SERAC1: variants seen among roughly 807,000 people sequenced by gnomAD.
SERAC1 encodes protein SERAC1.
Under a neutral mutation model 85.7 loss-of-function variants are expected in SERAC1, and 36 were observed. The ratio of observed to expected loss-of-function variants is 0.42; its 90% CI spans 0.32 to 0.55. The LOEUF (loss-of-function observed/expected upper bound fraction) is 0.55. Ranked by LOEUF, SERAC1 falls within the 20% of genes least tolerant of loss-of-function variation. The pLI is 0.11. For missense variants in SERAC1, 629 were observed against 796.2 expected, an observed-to-expected ratio of 0.79 and a Z score of 2.53; for synonymous variants, 242 against 265.3, an observed-to-expected ratio of 0.91 and a Z score of 0.85.
chr6:158,131,488 TA>T (rs1653687757), intron 8 of SERAC1, among the ~76,000 whole-genome samples: 2 of 147,804 alleles, frequency 1.4e-5, no homozygotes, highest in Admixed American at 6.8e-5. Context: ...AATATAAATA[TA>T]TTTTTTGTAT....
chr6:158,160,359 C>A (rs901502765), intron 1 of SERAC1, among the ~76,000 whole-genome samples: 1 of 152,188 alleles, frequency 6.6e-6, no homozygotes, highest in Non-Finnish European at 1.5e-5. Context: ...ACACCCCAAT[C>A]TGTGGCAAAC....
intron 9 of SERAC1, among the ~76,000 whole-genome samples, chr6:158,129,527 G>C (rs1341408281): frequency 6.6e-6 from 1 of 152,106 alleles, no homozygotes; most frequent in Non-Finnish European, 1.5e-5. Flanking sequence ...CACATTTCCT[G>C]GGTGATGTTT....
Position 158,158,330 on chromosome 6 carries a change from T to C in SERAC1, c.34A>G (p.Arg12Gly), listed in dbSNP as rs1228060372. The C allele has an allele frequency of 1.9e-6, 3 of 1,613,772 alleles. No homozygotes were observed. The highest frequency in any genetic ancestry group is 2.2e-5 in the East Asian group (1 of 44,882). ...GGGGAAGTAGAGGTTCCTATTCTTC[T>C]GCAACAGATGACGCAATAAGCAGCC... is the stretch of plus-strand genomic sequence containing the variant. ...SLAAYCVICC[R>G]RIGTSTSPPK... is the part of the protein sequence containing the mutation. The change falls in exon 2 of 17, where the codon AGA (arginine) becomes GGA (glycine). Residue 12 changes from arginine (R) to glycine (G), a missense_variant. Transcript: ENST00000647468.
intron 1 of SERAC1, among the ~76,000 whole-genome samples, chr6:158,167,593 T>C (rs929376173): frequency 6.7e-6 from 1 of 149,836 alleles, no homozygotes; most frequent in African/African-American, 2.5e-5. Flanking sequence ...CAATTTAACC[T>C]AAGGAACAGA....
chr6:158,140,137 C>T (rs1297678396), intron 8 of SERAC1, among the ~76,000 whole-genome samples: 1 of 152,216 alleles, frequency 6.6e-6, no homozygotes, highest in African/African-American at 2.4e-5. Context: ...TATTTGGTCT[C>T]TACCCCTGGT....
At position 158,120,661 on chromosome 6, in the gene SERAC1, G is replaced by A. The variant is rs1184089316; in HGVS notation, c.1016-86C>T. Reference sequence around the variant, plus strand: ...GTGAGGTTTCAAACTGAATATGATGGGAGAAAGGCAAACCTTGCGTGTCTG... The same window carrying A: ...GTGAGGTTTCAAACTGAATATGATGAGAGAAAGGCAAACCTTGCGTGTCTG... On this transcript the variant is annotated intron_variant, in intron 10 of 16. Coordinates refer to ENST00000647468, the MANE Select transcript of SERAC1 (RefSeq NM_032861.4). The surrounding 1 kb of genome is among the most constrained non-coding windows in gnomAD (Gnocchi z 4.4). 5.7e-6 allele frequency: 8 copies of A among 1,415,542 alleles called. No individual in the cohort carries two copies. The East Asian group carries it at 1.7e-4, about 30-fold the overall frequency. 87.7% of individuals were successfully genotyped at this position (1,415,542 alleles called of 1,614,324 possible). A position where few individuals can be genotyped will look rare whatever the true frequency, so the allele number is the denominator to read the frequency against.
intron 10 of SERAC1, among the ~76,000 whole-genome samples, chr6:158,121,342 GTATT>G (rs1459744940): frequency 6.6e-6 from 1 of 151,992 alleles, no homozygotes; most frequent in Non-Finnish European, 1.5e-5. Context: ...AAAAATCTAT[GTATT>G]TATTTATATA....
rs1182312289 is a variant in SERAC1, at chr6:158,124,672, G to A, written c.1015+3436C>T. Among the ~76,000 whole-genome samples, 5 of 151,702 alleles carry A rather than the reference G, an allele frequency of 3.3e-5. No individual in the cohort carries two copies. The East Asian group carries it at 9.7e-4, about 29-fold the overall frequency. On this transcript the variant is annotated intron_variant, in intron 10 of 16. Coordinates refer to ENST00000647468, the MANE Select transcript of SERAC1 (RefSeq NM_032861.4). The stretch of plus-strand genomic sequence containing the variant: ...AGATATTACGTATAAGAGAACAAAA[G>A]TGGGAATTCAAAGAGACTTCTCATC...
intron 6 of SERAC1, among the ~76,000 whole-genome samples, chr6:158,145,018 C>T (rs1206505137): frequency 6.6e-6 from 1 of 152,050 alleles, no homozygotes; most frequent in Non-Finnish European, 1.5e-5. Flanking sequence ...CCGAGGCGGG[C>T]GGATCATTTG....
intron 2 of SERAC1, among the ~76,000 whole-genome samples, chr6:158,156,831 AT>A (rs1207755022): frequency 3.8e-5 from 5 of 132,352 alleles, no homozygotes; most frequent in Middle Eastern, 3.8e-3. Flanking sequence ...ATATTAATAT[AT>A]TATATAAATA....
chr6:158,149,022 C>G, intron 4 of SERAC1, 68 bp from the exon 5 acceptor site: 1 of 1,202,968 alleles, frequency 8.3e-7, no homozygotes, highest in Non-Finnish European at 1.2e-6. Flanking sequence ...TGGAATCTTA[C>G]TCTGTCGCCC....
chr6:158,144,210 C>CT, intron 7 of SERAC1, 89 bp downstream of exon 7: 1 of 1,042,824 alleles, frequency 9.6e-7, no homozygotes, highest in South Asian at 2.1e-5. Context: ...CCAACAACTA[C>CT]TTTTTTAAAG....
At chr6:158,136,062 G>A (rs371108873) in intron 8 of SERAC1, among the ~76,000 whole-genome samples, 33 of 152,232 alleles carry the variant, frequency 2.2e-4, no homozygotes, top group Admixed American at 7.8e-4. Flanking sequence ...CGCCTGCCTC[G>A]GTGTCCCAAA....
chr6:158,143,273 A>G (rs1784961765), intron 7 of SERAC1, 89 bp from the exon 8 acceptor site: 1 of 1,498,524 alleles, frequency 6.7e-7, no homozygotes, highest in African/African-American at 1.4e-5. Context: ...AATATTTGCC[A>G]TATATATCAA....
At chr6:158,121,264 G>C (rs951336178) in intron 10 of SERAC1, among the ~76,000 whole-genome samples, 1 of 152,094 alleles carries the variant, frequency 6.6e-6, no homozygotes, top group Non-Finnish European at 1.5e-5. Context: ...GAGAGATAGG[G>C]TAGAAGAGGG....
At chr6:158,115,276 T>A (rs2128410776) in intron 14 of SERAC1, among the ~76,000 whole-genome samples, 1 of 152,266 alleles carries the variant, frequency 6.6e-6, no homozygotes, top group Middle Eastern at 3.4e-3. Flanking sequence ...AGCTGGGAGC[T>A]CCCTCAGGAC....
At chr6:158,114,472 C>T in intron 15 of SERAC1, 1 of 1,120,050 alleles carries the variant, frequency 8.9e-7, no homozygotes, top group Non-Finnish European at 1.1e-6. Flanking sequence ...ATTCTCCACT[C>T]ATGGGGGAAA....
Position 158,119,165 on chromosome 6 carries a change from G to A in SERAC1, c.1172C>T (p.Pro391Leu). 6.2e-7 allele frequency: 1 copy of A among 1,609,616 alleles called. No homozygotes were observed. Among genetic ancestry groups the A allele is most frequent in the Admixed American group, 1.7e-5 (1 of 59,406 alleles). Residue 391 changes from proline (P) to leucine (L), a missense_variant, in exon 12 of 17, where the codon CCC becomes CTC. By Grantham distance (98) the Pro-to-Leu change is moderately conservative (BLOSUM62 -3). Coordinates refer to ENST00000647468, the MANE Select transcript of SERAC1 (RefSeq NM_032861.4). This position sits in a 1 kb window ranked among gnomAD's most constrained non-coding sequence, Gnocchi z 4.5. Reference protein sequence around the residue: ...VLHPQYRTSQPIKADVLFIHG... With the variant: ...VLHPQYRTSQLIKADVLFIHG... ...AATAAAAAGGACATCTGCTTTAATG[G>A]GCTGACTAATAGGGGAGAGAGTTTT... is the stretch of plus-strand genomic sequence containing the variant.
intron 5 of SERAC1, among the ~76,000 whole-genome samples, chr6:158,148,403 A>T (rs1189153315): frequency 6.6e-6 from 1 of 152,218 alleles, no homozygotes; most frequent in Non-Finnish European, 1.5e-5. Context: ...AAAAGCATTA[A>T]GCCCTTAAAA....
Sources: allele counts gnomAD v4.1 joint callset (sites outside exome capture counted in the v4.1 genomes callset), GRCh38; gene constraint gnomAD v4.1.1; non-coding constraint Gnocchi (gnomAD v3.1); transcripts MANE v1.5; gene names NCBI Gene and HGNC (gene_info 2026-07-23, HGNC 2026-07-21).